GAS7: variants seen among roughly 807,000 people sequenced by gnomAD.
The protein encoded by GAS7 is growth arrest-specific protein 7.
In GAS7, 28 loss-of-function variants were observed where a neutral mutation model predicts 71.1. The ratio of observed to expected loss-of-function variants is 0.39; its 90% CI spans 0.29 to 0.54. The LOEUF (loss-of-function observed/expected upper bound fraction) is 0.54. Among genes scored for constraint, GAS7 ranks in the 20% least tolerant of loss-of-function variants. The pLI, the probability that GAS7 is intolerant of heterozygous loss-of-function variation, is 0.62. For synonymous variants in GAS7, 258 were observed against 245.8 expected (o/e 1.05, Z -0.46); for missense variants, 436 against 627.8 (o/e 0.69, Z 3.27).
At chr17:10,054,162 CTT>C (rs34465894) in intron 1 of GAS7, among the ~76,000 whole-genome samples, 1 of 147,520 alleles carries the variant, frequency 6.8e-6, no homozygotes, top group Non-Finnish European at 1.5e-5. Flanking sequence ...ACTCTTTTAA[CTT>C]TTTTTTTTTT....
chr17:10,057,291 C>T (rs2073153967), intron 1 of GAS7, among the ~76,000 whole-genome samples: 5 of 151,862 alleles, frequency 3.3e-5, no homozygotes, highest in Admixed American at 3.3e-4. Flanking sequence ...TGCCCGGCTG[C>T]CCAGTCTGGG....
At position 9,926,537 on chromosome 17, in the gene GAS7, A is replaced by G; in HGVS notation, c.1014+104T>C. The G allele has an allele frequency of 1.6e-6, 2 of 1,252,270 alleles. No homozygotes were observed. The highest frequency in any genetic ancestry group is 2.3e-6 in the Non-Finnish European group (2 of 875,116). 77.6% of individuals were successfully genotyped at this position (1,252,270 alleles called of 1,614,324 possible). ...CCCCCTATTCCCCTACCTGGGGACA[A>G]AGACTCAGCCTTGGCGTATGGAGCC... is the stretch of plus-strand genomic sequence containing the variant. On this transcript the variant is annotated intron_variant, in intron 10 of 13. Coordinates refer to ENST00000432992, the MANE Select transcript of GAS7 (RefSeq NM_201433.2). This position sits in a 1 kb window ranked among gnomAD's most constrained non-coding sequence, Gnocchi z 5.0.
intron 4 of GAS7, among the ~76,000 whole-genome samples, chr17:9,960,790 A>G (rs756293010): frequency 7.2e-5 from 11 of 152,336 alleles, no homozygotes; most frequent in East Asian, 1.9e-4. Flanking sequence ...ATTAAAGTCA[A>G]CTCAGGAAAA....
intron 1 of GAS7, among the ~76,000 whole-genome samples, chr17:10,176,160 A>G (rs2074373083): frequency 1.3e-5 from 2 of 152,232 alleles, no homozygotes; most frequent in South Asian, 2.1e-4. Context: ...CTTACTGCAA[A>G]TGATTAAAGC....
intron 1 of GAS7, among the ~76,000 whole-genome samples, chr17:10,176,065 G>A (rs1017861065): frequency 6.6e-6 from 1 of 152,118 alleles, no homozygotes; most frequent in African/African-American, 2.4e-5. Context: ...TCTCATTCTC[G>A]GCTATATCCC....
chr17:9,946,863 A>T (rs765990083), intron 6 of GAS7, 31 bp downstream of exon 6: 7 of 1,481,226 alleles, frequency 4.7e-6, no homozygotes, highest in Non-Finnish European at 6.6e-6. Flanking sequence ...CACCGGGGTC[A>T]CGCTGTGGGG....
chr17:9,925,425 C>G, intron 11 of GAS7, 51 bp downstream of exon 11: 2 of 1,593,120 alleles, frequency 1.3e-6, no homozygotes, highest in Non-Finnish European at 1.7e-6. Context: ...TAGCCCCGTG[C>G]CCTCTCCTTC....
At chr17:9,990,977 T>C (rs976025698) in intron 2 of GAS7, among the ~76,000 whole-genome samples, 2 of 152,220 alleles carry the variant, frequency 1.3e-5, no homozygotes, top group African/African-American at 2.4e-5. Context: ...GTTTCCCTGT[T>C]GTAAAGTACG....
intron 2 of GAS7, among the ~76,000 whole-genome samples, chr17:9,992,211 A>G (rs2070868832): frequency 1.3e-5 from 2 of 152,158 alleles, no homozygotes; most frequent in African/African-American, 2.4e-5. Context: ...TAGACTTAGG[A>G]TCAGGCAAGG....
intron 1 of GAS7, among the ~76,000 whole-genome samples, chr17:10,171,703 A>G (rs1283551343): frequency 1.3e-5 from 2 of 152,212 alleles, no homozygotes; most frequent in Non-Finnish European, 2.9e-5. Context: ...TGAAGCAGTG[A>G]AGAACGCTGG....
chr17:10,118,463 C>T (rs537376906), intron 1 of GAS7, among the ~76,000 whole-genome samples: 51 of 152,276 alleles, frequency 3.3e-4, no homozygotes, highest in African/African-American at 1.2e-3. Context: ...GTAATCCCAA[C>T]ACTTTGGGAG....
intron 8 of GAS7, among the ~76,000 whole-genome samples, chr17:9,938,669 A>T (rs940129004): frequency 3.3e-5 from 5 of 151,538 alleles, no homozygotes; most frequent in Admixed American, 6.6e-5. Flanking sequence ...CGAGAAAATA[A>T]ATGTCTGTAG....
intron 1 of GAS7, among the ~76,000 whole-genome samples, chr17:10,174,919 C>T (rs1436940295): frequency 6.6e-6 from 1 of 152,106 alleles, no homozygotes; most frequent in African/African-American, 2.4e-5. Context: ...AATCACAGCT[C>T]ACTGCAGCCT....
intron 1 of GAS7, among the ~76,000 whole-genome samples, chr17:10,081,229 A>G (rs1256075586): frequency 3.3e-5 from 5 of 152,102 alleles, no homozygotes; most frequent in Admixed American, 3.3e-4. Flanking sequence ...ATCTCAGCTC[A>G]CTGAAACCTT....
At chr17:9,979,861 T>TA (rs1567849324) in intron 3 of GAS7, among the ~76,000 whole-genome samples, 9 of 134,784 alleles carry the variant, frequency 6.7e-5, no homozygotes, top group African/African-American at 1.1e-4. Context: ...TTTGATTGTT[T>TA]TAAAAAAAAA....
chr17:10,098,295 T>C (rs2073664553), intron 1 of GAS7, among the ~76,000 whole-genome samples: 2 of 152,094 alleles, frequency 1.3e-5, no homozygotes, highest in Non-Finnish European at 2.9e-5. Context: ...GGAGGTGGCT[T>C]CCCCAGCTGC....
chr17:10,176,340 G>T (rs1017993876), intron 1 of GAS7, among the ~76,000 whole-genome samples: 3 of 152,076 alleles, frequency 2.0e-5, no homozygotes, highest in Non-Finnish European at 4.4e-5. Flanking sequence ...GGGACAGCTG[G>T]GTGCAAGAGC....
intron 1 of GAS7, among the ~76,000 whole-genome samples, chr17:10,113,549 A>G (rs1320816753): frequency 6.6e-6 from 1 of 152,246 alleles, no homozygotes; most frequent in Non-Finnish European, 1.5e-5. Context: ...CATCAGTAGC[A>G]CCAGCAAGGT....
chr17:10,123,542 G>A (rs946750559), intron 1 of GAS7, among the ~76,000 whole-genome samples: 1 of 152,254 alleles, frequency 6.6e-6, no homozygotes, highest in African/African-American at 2.4e-5. Flanking sequence ...CTCAGACACA[G>A]GCAGGGCTAA....
Sources: allele counts gnomAD v4.1 joint callset (sites outside exome capture counted in the v4.1 genomes callset), GRCh38; gene constraint gnomAD v4.1.1; non-coding constraint Gnocchi (gnomAD v3.1); transcripts MANE v1.5; gene names NCBI Gene and HGNC (gene_info 2026-07-23, HGNC 2026-07-21).